Variants in RYR3 observed in about 807,000 individuals in gnomAD.
The protein encoded by RYR3 is brain ryanodine receptor-calcium release channel.
A neutral mutation model predicts 584.3 loss-of-function variants in RYR3; 207 were observed. That is an observed-to-expected ratio of 0.35 (90% CI 0.32 to 0.40). The LOEUF (loss-of-function observed/expected upper bound fraction) is 0.40. Ranked by LOEUF, RYR3 falls within the 10% of genes least tolerant of loss-of-function variation. The pLI, the probability that RYR3 is intolerant of heterozygous loss-of-function variation, is 1.00. For synonymous variants in RYR3, 2,416 were observed against 2,248.5 expected (o/e 1.07, Z -2.11); for missense variants, 5,616 against 6,089.2 (o/e 0.92, Z 2.59).
In RYR3 at chr15:33,544,150, G is replaced by A. The variant is rs368045851; in HGVS notation, c.740+435G>A. On this transcript the variant is annotated intron_variant, in intron 8 of 103. Coordinates refer to ENST00000634891, the MANE Select transcript of RYR3 (RefSeq NM_001036.6). ...AGTGCCAAGGGTGCATTTAGAGGGC[G>A]CTGTGCCAAGGACGATGTGTTCTTG... Among the ~76,000 whole-genome samples the A allele has an allele frequency of 5.9e-5, 9 of 152,236 alleles. No individual in the cohort carries two copies. The East Asian group carries it at 1.5e-3, about 26-fold the overall frequency.
chr15:33,505,898 A>G (rs952218737), intron 3 of RYR3, among the ~76,000 whole-genome samples: 9 of 152,220 alleles, frequency 5.9e-5, no homozygotes, highest in Admixed American at 2.0e-4. Flanking sequence ...CACTTTCAGT[A>G]TCAAACTAGA....
At chr15:33,524,162 A>G (rs1260844481) in intron 3 of RYR3, among the ~76,000 whole-genome samples, 1 of 152,222 alleles carries the variant, frequency 6.6e-6, no homozygotes, top group Non-Finnish European at 1.5e-5. Context: ...AAATGCTGAT[A>G]TAGTAATAGT....
intron 3 of RYR3, among the ~76,000 whole-genome samples, chr15:33,505,309 T>G (rs2052371689): frequency 6.6e-6 from 1 of 152,250 alleles, no homozygotes. Context: ...TTCACTCTTT[T>G]GATTTATAGC....
chr15:33,624,159 C>T lies in RYR3; in HGVS notation c.2574+136C>T, dbSNP rs1002617258. 3 of 678,916 alleles carry T rather than the reference C, an allele frequency of 4.4e-6. No homozygotes were observed. In the African/African-American group the frequency reaches 5.4e-5, roughly 12 times the overall value. 42.1% of individuals were successfully genotyped at this position (678,916 alleles called of 1,614,324 possible). ...TTGTATAATGTGAACAACTGTTACTCCTCACATTTTCACCATGTGTGTCAA... is the reference window on the plus strand; with the variant it reads ...TTGTATAATGTGAACAACTGTTACTTCTCACATTTTCACCATGTGTGTCAA... On this transcript the variant is annotated intron_variant, in intron 20 of 103. Transcript: ENST00000634891.
chr15:33,409,907 G>T (rs981755304), intron 1 of RYR3, among the ~76,000 whole-genome samples: 68 of 152,154 alleles, frequency 4.5e-4, no homozygotes, highest in Admixed American at 4.6e-4. Context: ...ATTAAAGAAG[G>T]ATTGTAATCT....
At chr15:33,386,009 T>C (rs1283223229) in intron 1 of RYR3, among the ~76,000 whole-genome samples, 1 of 152,154 alleles carries the variant, frequency 6.6e-6, no homozygotes, top group Non-Finnish European at 1.5e-5. Flanking sequence ...CCCAGCCTCT[T>C]TTCTTTTTTT....
At chr15:33,589,065 C>A (rs1047383029) in intron 16 of RYR3, among the ~76,000 whole-genome samples, 37 of 152,308 alleles carry the variant, frequency 2.4e-4, no homozygotes, top group African/African-American at 7.9e-4. Flanking sequence ...TACTAATTTA[C>A]ATTCCTACCA....
intron 55 of RYR3, among the ~76,000 whole-genome samples, chr15:33,749,582 G>A (rs913628569): frequency 3.9e-5 from 6 of 152,136 alleles, no homozygotes; most frequent in Non-Finnish European, 8.8e-5. Context: ...AGTTTGTTAA[G>A]CTATAGGCTT....
At position 33,844,858 on chromosome 15, in the gene RYR3, C is replaced by G. The variant is rs2078614533; in HGVS notation, c.13297-4C>G. ...TTAATAAGCGAGTGTGTATTTTGAG[C>G]CAGGTCACTGAAGAACCTTTAGAAG... On this transcript the variant is annotated splice_region_variant and splice_polypyrimidine_tract_variant and intron_variant, in intron 92 of 103. Coordinates refer to ENST00000634891, the MANE Select transcript of RYR3 (RefSeq NM_001036.6). 2.5e-6 allele frequency: 4 copies of G among 1,612,100 alleles called. No homozygotes were observed. The highest frequency in any genetic ancestry group is 8.5e-7 in the Non-Finnish European group (1 of 1,178,960).
chr15:33,474,704 A>C (rs28670663), intron 2 of RYR3, among the ~76,000 whole-genome samples: 4,175 of 152,306 alleles, frequency 0.027, 86 homozygotes, highest in Non-Finnish European at 0.036. Context: ...AAAAAACCGA[A>C]AACAAAAATC....
At position 33,760,778 on chromosome 15, in the gene RYR3, C is replaced by T. The variant is rs1197803136; in HGVS notation, c.8705+3182C>T. ...ATAGACATCTACAGAACTCTCCACC[C>T]CAAATCAACAGAATATACATTCTTC... On this transcript the variant is annotated intron_variant, in intron 60 of 103. Coordinates refer to ENST00000634891, the MANE Select transcript of RYR3 (RefSeq NM_001036.6). Among the ~76,000 whole-genome samples the T allele has an allele frequency of 9.9e-5, 15 of 152,278 alleles. No homozygotes were observed. In the East Asian group the frequency reaches 1.5e-3, roughly 16 times the overall value.
chr15:33,595,798 T>A (rs2059342440), intron 16 of RYR3, among the ~76,000 whole-genome samples: 1 of 152,162 alleles, frequency 6.6e-6, no homozygotes, highest in Non-Finnish European at 1.5e-5. Context: ...GATACATGGA[T>A]GTAATAATGT....
At chr15:33,855,084 T>A in intron 98 of RYR3, 172 bp downstream of exon 98, 1 of 520,914 alleles carries the variant, frequency 1.9e-6, no homozygotes, top group Non-Finnish European at 3.1e-6. Flanking sequence ...TGTAGCCAAT[T>A]AAAAATGTAA....
At chr15:33,340,358 A>C (rs1177724876) in intron 1 of RYR3, among the ~76,000 whole-genome samples, 1 of 152,166 alleles carries the variant, frequency 6.6e-6, no homozygotes, top group African/African-American at 2.4e-5. Flanking sequence ...GTTTCTTTTG[A>C]TGTTGGAGGC....
intron 1 of RYR3, among the ~76,000 whole-genome samples, chr15:33,381,355 G>A (rs1320223304): frequency 6.6e-6 from 1 of 152,300 alleles, no homozygotes; most frequent in Admixed American, 6.5e-5. Flanking sequence ...GTGCTATGAG[G>A]TCAGGGATTT....
chr15:33,582,300 A>G, intron 14 of RYR3, among the ~76,000 whole-genome samples: 1 of 152,182 alleles, frequency 6.6e-6, no homozygotes, highest in East Asian at 1.9e-4. Flanking sequence ...ATAAGCTAGT[A>G]CTTTAGGGCT....
chr15:33,481,363 C>T lies in RYR3; in HGVS notation c.171+7825C>T, dbSNP rs564769160. Among the ~76,000 whole-genome samples the T allele has an allele frequency of 2.6e-3, 393 of 152,196 alleles. 1 individual carries two copies. The highest frequency in any genetic ancestry group is 0.014 in the Middle Eastern group (4 of 294). On this transcript the variant is annotated intron_variant, in intron 2 of 103. Transcript: ENST00000634891. Reference sequence around the variant, plus strand: ...CTACCTTCATGCTATTCTTTTGTCTCCTCTGGATTTTGTTCTTCTGTTTCT... The same window carrying T: ...CTACCTTCATGCTATTCTTTTGTCTTCTCTGGATTTTGTTCTTCTGTTTCT...
At chr15:33,523,784 C>T (rs2054190342) in intron 3 of RYR3, among the ~76,000 whole-genome samples, 1 of 152,132 alleles carries the variant, frequency 6.6e-6, no homozygotes. Flanking sequence ...GACCCAACTG[C>T]AACGAATCCC....
intron 64 of RYR3, among the ~76,000 whole-genome samples, chr15:33,779,750 C>T (rs1018513899): frequency 6.6e-6 from 1 of 152,072 alleles, no homozygotes; most frequent in African/African-American, 2.4e-5. Flanking sequence ...CGCCTGTAGT[C>T]CCAGCACTTT....
Sources: gnomAD v4.1 joint callset for allele counts (sites outside exome capture counted in the v4.1 genomes callset) on GRCh38, gnomAD v4.1.1 for gene constraint, MANE v1.5 for transcripts, NCBI Gene and HGNC (gene_info 2026-07-23, HGNC 2026-07-21) for gene names.